The following SNX24 variants were observed in gnomAD, a reference collection of about 807,000 sequenced individuals.
The protein encoded by SNX24 is sorting nexin-24.
SNX24 carries 22 observed loss-of-function variants against 28.7 expected under a neutral mutation model. The observed-to-expected ratio is 0.77, with a 90% CI of 0.55 to 1.10. The LOEUF is 1.10. Among genes scored for constraint, SNX24 ranks in the 50% least tolerant of loss-of-function variants. SNX24 has a pLI of 0.00. For synonymous variants in SNX24, 69 were observed against 71.5 expected (o/e 0.96, Z 0.18); for missense variants, 221 against 201.1 (o/e 1.10, Z -0.60).
chr5:122,853,370 A>G (rs1048822047), intron 1 of SNX24, among the ~76,000 whole-genome samples: 5 of 151,364 alleles, frequency 3.3e-5, no homozygotes, highest in African/African-American at 1.2e-4. Context: ...CTTGTGATCC[A>G]CCCGCCTCGG....
chr5:122,979,073 C>T (rs553287472), intron 3 of SNX24, among the ~76,000 whole-genome samples: 34 of 152,134 alleles, frequency 2.2e-4, no homozygotes, highest in African/African-American at 7.0e-4. Flanking sequence ...GAAAGAGCTA[C>T]GTCTACCACT....
At chr5:122,905,499 T>C (rs183919152) in intron 1 of SNX24, among the ~76,000 whole-genome samples, 27 of 152,330 alleles carry the variant, frequency 1.8e-4, no homozygotes, top group African/African-American at 6.3e-4. Context: ...TTCAAAACTT[T>C]TTGAGTGCTA....
At chr5:122,847,781 A>G (rs770409623) in intron 1 of SNX24, among the ~76,000 whole-genome samples, 5 of 152,188 alleles carry the variant, frequency 3.3e-5, no homozygotes, top group Non-Finnish European at 5.9e-5. Flanking sequence ...GGCATGAGCC[A>G]CCACACCCAG....
intron 1 of SNX24, among the ~76,000 whole-genome samples, chr5:122,913,841 A>G (rs1386524729): frequency 6.6e-6 from 1 of 151,940 alleles, no homozygotes; most frequent in Non-Finnish European, 1.5e-5. Flanking sequence ...AGTGAACGAG[A>G]CTCCGTCTGC....
At chr5:122,852,440 C>G (rs571702602) in intron 1 of SNX24, among the ~76,000 whole-genome samples, 1 of 151,902 alleles carries the variant, frequency 6.6e-6, no homozygotes. Context: ...CCTCCCCAGG[C>G]TCAGGTGATT....
At position 123,008,959 on chromosome 5, in the gene SNX24, G is replaced by A. The variant is rs1001092435; in HGVS notation, c.*1210G>A. ...ATTCGTTTTAGTAAGTTCTGTGGGA[G>A]CAAGGTATTTAAAATCAAAACTAAT... is the stretch of plus-strand genomic sequence containing the variant. On this transcript the variant is annotated 3_prime_UTR_variant, in exon 7 of 7. Transcript: ENST00000261369. The A allele has an allele frequency of 3.0e-6, 3 of 985,492 alleles. No homozygotes were observed. Among genetic ancestry groups the A allele is most frequent in the African/African-American group, 3.5e-5 (2 of 57,230 alleles). The allele number at this position is 985,492 out of a possible 1,614,324, so 61.0% of individuals were successfully genotyped here. A position where few individuals can be genotyped will look rare whatever the true frequency, so the allele number is the denominator to read the frequency against.
chr5:122,933,339 G>A (rs531979521), intron 1 of SNX24, among the ~76,000 whole-genome samples: 7 of 152,282 alleles, frequency 4.6e-5, no homozygotes, highest in East Asian at 3.9e-4. Context: ...CCAATCTCAC[G>A]TGCCGATTGG....
In SNX24 at chr5:122,921,913, T is replaced by A. The variant is rs1483788234; in HGVS notation, c.61-14821T>A. On this transcript the variant is annotated intron_variant, in intron 1 of 6. Coordinates refer to ENST00000261369, the MANE Select transcript of SNX24 (RefSeq NM_014035.4). ...CAAATTACGTGATTATGGTATATCA[T>A]GTAACTAGCAGAATCTCTTTGTTTG... Among the ~76,000 whole-genome samples, 5 of 152,350 alleles carry A rather than the reference T, an allele frequency of 3.3e-5. No individual in the cohort carries two copies. In the South Asian group the frequency reaches 1.0e-3, roughly 32 times the overall value.
At chr5:122,911,114 A>C (rs374193949) in intron 1 of SNX24, among the ~76,000 whole-genome samples, 42 of 152,258 alleles carry the variant, frequency 2.8e-4, no homozygotes, top group Non-Finnish European at 2.8e-4. Flanking sequence ...ATTTCTCCAC[A>C]TCCTCTCCAG....
intron 3 of SNX24, among the ~76,000 whole-genome samples, chr5:122,990,918 T>G (rs372815113): frequency 6.6e-6 from 1 of 152,222 alleles, no homozygotes; most frequent in Non-Finnish European, 1.5e-5. Flanking sequence ...GTATTTATTG[T>G]TGAGACAGAG....
At chr5:122,916,090 T>C (rs892308950) in intron 1 of SNX24, among the ~76,000 whole-genome samples, 5 of 152,356 alleles carry the variant, frequency 3.3e-5, no homozygotes, top group Middle Eastern at 3.4e-3. Context: ...GATCAATAAT[T>C]TTTCACTGAA....
At chr5:122,995,851 C>A (rs190964409) in intron 3 of SNX24, among the ~76,000 whole-genome samples, 68 of 152,268 alleles carry the variant, frequency 4.5e-4, no homozygotes, top group African/African-American at 1.6e-3. Context: ...GTAGATAGCA[C>A]TGGGCCTGAT....
Position 122,894,543 on chromosome 5 carries a change from C to G in SNX24, c.61-42191C>G, listed in dbSNP as rs538412522. On this transcript the variant is annotated intron_variant, in intron 1 of 6. Coordinates refer to ENST00000261369, the MANE Select transcript of SNX24 (RefSeq NM_014035.4). Reference sequence around the variant, plus strand: ...CTGAACCATCATTTATCCAGTCAGTCTCCTTTGGATAGGCATTGGGGTTGT... The same window carrying G: ...CTGAACCATCATTTATCCAGTCAGTGTCCTTTGGATAGGCATTGGGGTTGT... Among the ~76,000 whole-genome samples the G allele has an allele frequency of 5.7e-4, 87 of 152,242 alleles. 1 individual carries two copies. The highest frequency in any genetic ancestry group is 7.6e-4 in the Non-Finnish European group (52 of 68,020).
At chr5:122,963,299 A>C (rs1417732297) in intron 3 of SNX24, among the ~76,000 whole-genome samples, 2 of 152,174 alleles carry the variant, frequency 1.3e-5, no homozygotes, top group Non-Finnish European at 2.9e-5. Flanking sequence ...TCACAGCTGC[A>C]TGCTGCTTCT....
intron 1 of SNX24, among the ~76,000 whole-genome samples, chr5:122,883,163 T>G (rs1182064894): frequency 6.6e-6 from 1 of 152,230 alleles, no homozygotes; most frequent in Non-Finnish European, 1.5e-5. Flanking sequence ...GTTTCTAATC[T>G]TGAAATTACA....
intron 1 of SNX24, among the ~76,000 whole-genome samples, chr5:122,890,337 A>T (rs1252444352): frequency 6.6e-6 from 1 of 152,130 alleles, no homozygotes; most frequent in Non-Finnish European, 1.5e-5. Context: ...TCTGTTCCTC[A>T]TCAAATGTTT....
rs751195881 is a variant in SNX24 at position 122,845,617 on chromosome 5, G to A, written c.-17G>A. 1 of 1,381,026 alleles carries A rather than the reference G, an allele frequency of 7.2e-7. No homozygotes were observed. The allele number at this position is 1,381,026 out of a possible 1,614,324, so 85.5% of individuals were successfully genotyped here. On this transcript the variant is annotated 5_prime_UTR_variant, in exon 1 of 7. Transcript: ENST00000261369. ...GCCTGCCCCCAACTCGCCCTCAGCC[G>A]GCTGGCCGGCGCGGCCATGGAGGTC...
chr5:123,004,437 G>C (rs1456997622), intron 6 of SNX24, among the ~76,000 whole-genome samples: 1 of 152,148 alleles, frequency 6.6e-6, no homozygotes, highest in African/African-American at 2.4e-5. Context: ...TTCAAACAGT[G>C]TCTCCCCTTG....
intron 1 of SNX24, among the ~76,000 whole-genome samples, chr5:122,910,079 AAAG>A (rs1255789207): frequency 1.3e-5 from 2 of 152,204 alleles, no homozygotes; most frequent in Non-Finnish European, 2.9e-5. Flanking sequence ...TAAAGTGGTA[AAAG>A]AAGAAGATTA....
Sources: gnomAD v4.1 joint callset for allele counts (sites outside exome capture counted in the v4.1 genomes callset) on GRCh38, gnomAD v4.1.1 for gene constraint, MANE v1.5 for transcripts, NCBI Gene and HGNC (gene_info 2026-07-23, HGNC 2026-07-21) for gene names.